The following DYNC2LI1 variants were observed in gnomAD, a reference collection of about 807,000 sequenced individuals.
DYNC2LI1 encodes dynein cytoplasmic 2 light intermediate chain 1.
Under a neutral mutation model 51.9 loss-of-function variants are expected in DYNC2LI1, and 45 were observed. The observed-to-expected ratio is 0.87, with a 90% CI of 0.68 to 1.11. DYNC2LI1 has a LOEUF of 1.11. Among genes scored for constraint, DYNC2LI1 ranks in the 50% most tolerant of loss-of-function variants. DYNC2LI1 has a pLI of 0.00. For synonymous variants in DYNC2LI1, 130 were observed against 137.8 expected, an observed-to-expected ratio of 0.94 and a Z score of 0.40; for missense variants, 490 against 417.4, an observed-to-expected ratio of 1.17 and a Z score of -1.51.
At chr2:43,825,248 A>C in the DYNC2LI1 span, among the ~76,000 whole-genome samples, 2 of 152,132 alleles carry the variant, frequency 1.3e-5, no homozygotes, top group Non-Finnish European at 2.9e-5. Flanking sequence ...CTAGGCTACC[A>C]CTGTGGGTCA....
chr2:43,808,985 ACAC>A (rs1666378233), intron 12 of DYNC2LI1, among the ~76,000 whole-genome samples: 3 of 151,986 alleles, frequency 2.0e-5, no homozygotes, highest in African/African-American at 7.2e-5. Context: ...ACACACACAC[ACAC>A]ACACACACAC....
chr2:43,788,785 C>G (rs1236619692), intron 4 of DYNC2LI1, among the ~76,000 whole-genome samples: 2 of 152,098 alleles, frequency 1.3e-5, no homozygotes, highest in African/African-American at 4.8e-5. Flanking sequence ...GCATGTACCA[C>G]CACACTCAGC....
chr2:43,825,894 G>T, the DYNC2LI1 span, among the ~76,000 whole-genome samples: 3 of 152,186 alleles, frequency 2.0e-5, no homozygotes, highest in African/African-American at 7.2e-5. Flanking sequence ...TTGGAACATG[G>T]TAGGTGCTGA....
downstream of DYNC2LI1, chr2:43,813,213 A>T: frequency 6.2e-7 from 1 of 1,610,666 alleles, no homozygotes; most frequent in South Asian, 1.1e-5. Flanking sequence ...GTTCATTGTG[A>T]ATCTAGATGT....
In DYNC2LI1 at chr2:43,801,672, G is replaced by C; in HGVS notation, c.765G>C (p.Leu255=). The C allele has an allele frequency of 6.2e-7, 1 of 1,610,156 alleles. No individual in the cohort carries two copies. Among genetic ancestry groups the C allele is most frequent in the Non-Finnish European group, 8.5e-7 (1 of 1,178,004 alleles). Reference sequence around the variant, plus strand: ...TATGTGTGGATCAGAATAAACCGCTGTTTATCACAGCAGGATTGGATTCTT... The same window carrying C: ...TATGTGTGGATCAGAATAAACCGCTCTTTATCACAGCAGGATTGGATTCTT... ...KSICVDQNKP[L]FITAGLDSFG... Residue 255 remains leucine (L), a synonymous_variant, in exon 10 of 13, where the codon CTG becomes CTC. Coordinates refer to ENST00000260605, the MANE Select transcript of DYNC2LI1 (RefSeq NM_016008.4).
At chr2:43,800,509 C>T (rs906263770) in intron 8 of DYNC2LI1, among the ~76,000 whole-genome samples, 4 of 152,072 alleles carry the variant, frequency 2.6e-5, no homozygotes, top group African/African-American at 9.7e-5. Context: ...TATGTTTACA[C>T]ACATACAGCC....
chr2:43,812,239 G>A (rs1028353257), downstream of DYNC2LI1, among the ~76,000 whole-genome samples: 2 of 151,474 alleles, frequency 1.3e-5, no homozygotes, highest in African/African-American at 4.8e-5. Context: ...TTTCTATATG[G>A]ACTTTAAATA....
At chr2:43,784,115 T>C (rs536501887) in intron 3 of DYNC2LI1, among the ~76,000 whole-genome samples, 1 of 152,334 alleles carries the variant, frequency 6.6e-6, no homozygotes, top group South Asian at 2.1e-4. Context: ...TGAATACATA[T>C]ATCTTATAAC....
chr2:43,787,774 G>A (rs1673593788), intron 4 of DYNC2LI1, among the ~76,000 whole-genome samples: 1 of 152,036 alleles, frequency 6.6e-6, no homozygotes, highest in African/African-American at 2.4e-5. Flanking sequence ...CAGGGGGTGG[G>A]GTGGGGAATT....
At chr2:43,820,372 G>C in the DYNC2LI1 span, among the ~76,000 whole-genome samples, 1 of 152,054 alleles carries the variant, frequency 6.6e-6, no homozygotes, top group African/African-American at 2.4e-5. Flanking sequence ...AAATTACTTA[G>C]ACAATGGTCA....
At chr2:43,818,463 C>CA in the DYNC2LI1 span, among the ~76,000 whole-genome samples, 1 of 152,024 alleles carries the variant, frequency 6.6e-6, no homozygotes, top group South Asian at 2.1e-4. Context: ...AAAACAAAAA[C>CA]AAAATACGGT....
downstream of DYNC2LI1, chr2:43,814,599 AAG>A (rs1314665571): frequency 1.3e-6 from 2 of 1,522,264 alleles, no homozygotes; most frequent in African/African-American, 2.7e-5. Flanking sequence ...TCTTAAGAAA[AAG>A]AAAACAAAAA....
chr2:43,811,600 C>CT (rs796634082), downstream of DYNC2LI1, among the ~76,000 whole-genome samples: 1,472 of 144,294 alleles, frequency 0.01, 25 homozygotes, highest in African/African-American at 0.032. Flanking sequence ...AATACAGAAC[C>CT]TTTTTTTTTT....
intron 1 of DYNC2LI1, 103 bp downstream of exon 1, chr2:43,774,249 C>G: frequency 6.8e-7 from 1 of 1,475,816 alleles, no homozygotes; most frequent in Non-Finnish European, 9.3e-7. Flanking sequence ...GGGGTGGCTA[C>G]TTGCCACCAG....
At chr2:43,820,277 A>G in the DYNC2LI1 span, among the ~76,000 whole-genome samples, 1 of 152,234 alleles carries the variant, frequency 6.6e-6, no homozygotes, top group Non-Finnish European at 1.5e-5. Context: ...ACTATTTATT[A>G]TATCAAATTG....
the DYNC2LI1 span, among the ~76,000 whole-genome samples, chr2:43,816,390 G>A: frequency 1.5e-3 from 231 of 152,248 alleles, no homozygotes; most frequent in African/African-American, 5.2e-3. Context: ...AAGAGAGTGC[G>A]CCTCTAGCCT....
At chr2:43,822,478 G>GCCCC in the DYNC2LI1 span, 235 of 464,564 alleles carry the variant, frequency 5.1e-4, 2 homozygotes, top group African/African-American at 4.8e-3. Context: ...CCTCCCCCAG[G>GCCCC]CCCCCCCCCA....
intron 5 of DYNC2LI1, among the ~76,000 whole-genome samples, chr2:43,791,223 T>A (rs946650272): frequency 1.1e-4 from 17 of 151,956 alleles, no homozygotes; most frequent in Non-Finnish European, 2.5e-4. Context: ...ATTGTCTCTT[T>A]AAAAAAGAGA....
At chr2:43,780,539 A>G (rs994520534) in intron 2 of DYNC2LI1, among the ~76,000 whole-genome samples, 1 of 152,180 alleles carries the variant, frequency 6.6e-6, no homozygotes, top group African/African-American at 2.4e-5. Flanking sequence ...TATGTAGGGT[A>G]GTGAGAATAA....
Sources: allele counts gnomAD v4.1 joint callset (sites outside exome capture counted in the v4.1 genomes callset), GRCh38; gene constraint gnomAD v4.1.1; transcripts MANE v1.5; gene names NCBI Gene and HGNC (gene_info 2026-07-23, HGNC 2026-07-21).